Variants in BRWD1 observed in about 807,000 individuals in gnomAD.
BRWD1 encodes the protein bromodomain and WD repeat-containing protein 1.
Under a neutral mutation model 251.2 loss-of-function variants are expected in BRWD1, and 82 were observed. The ratio of observed to expected loss-of-function variants is 0.33; its 90% confidence interval spans 0.27 to 0.39. BRWD1 has a LOEUF of 0.39. Ranked by LOEUF, BRWD1 falls within the 10% of genes least tolerant of loss-of-function variation. The probability of loss-of-function intolerance (pLI) is 1.00; values close to 1 mark genes in which losing one functional copy is unlikely to be tolerated. For synonymous variants in BRWD1, 918 were observed against 902.8 expected (o/e 1.02, Z -0.30); for missense variants, 2,233 against 2,711.6 (o/e 0.82, Z 3.92).
chr21:39,276,338 A>C (rs1601440822), intron 11 of BRWD1, 125 bp from the exon 12 acceptor site: 2 of 662,492 alleles, frequency 3.0e-6, no homozygotes, highest in Non-Finnish European at 2.4e-6. Context: ...TGTGTTGCTT[A>C]GCCCTGTCAT....
rs1359739352 is a variant in BRWD1, at chr21:39,250,837, T to C, written c.2308A>G (p.Ile770Val). 2.5e-6 allele frequency: 4 copies of C among 1,600,590 alleles called. No individual in the cohort carries two copies. The highest frequency in any genetic ancestry group is 1.7e-5 in the Admixed American group (1 of 57,932). Residue 770 changes from isoleucine to valine, a missense_variant, in exon 20 of 41, where the codon ATA (isoleucine) becomes GTA (valine). Coordinates refer to ENST00000342449, the MANE Select transcript of BRWD1 (RefSeq NM_033656.4). ...EKGEEERNLY[I>V]IGRKRKTLQL... is the part of the protein sequence containing the mutation. ...AGAGTCTTTCTTTTTCTTCCTATTA[T>C]ATAAAGATTTCTTTCCTCTTCACCT...
rs939171414 is a variant in BRWD1, at chr21:39,189,205, G to A, written c.*7054C>T. On this transcript the variant is annotated 3_prime_UTR_variant, in exon 41 of 41. Transcript: ENST00000342449. ...TGAAATTTGCACTTTATAGTAGGAT[G>A]AGAATATACTATTATCAACTAGCTG... 1 of 985,140 alleles carries A rather than the reference G, an allele frequency of 1.0e-6. No homozygotes were observed. The highest frequency in any genetic ancestry group is 1.2e-6 in the Non-Finnish European group (1 of 829,694). The allele number at this position is 985,140 out of a possible 1,614,324, so 61.0% of individuals were successfully genotyped here.
chr21:39,235,526 G>T, intron 23 of BRWD1: 1 of 184,516 alleles, frequency 5.4e-6, no homozygotes. Flanking sequence ...AAAGAATCAT[G>T]GAGTGATTGC....
intron 18 of BRWD1, among the ~76,000 whole-genome samples, chr21:39,257,804 G>A (rs1469758053): frequency 6.6e-6 from 1 of 152,094 alleles, no homozygotes. Context: ...AGGAATGTGT[G>A]TGTGCACACA....
intron 4 of BRWD1, 100 bp downstream of exon 4, chr21:39,312,741 A>G: frequency 1.1e-6 from 1 of 895,524 alleles, no homozygotes; most frequent in Non-Finnish European, 1.7e-6. Context: ...AGTGCGGGTC[A>G]CACTTTGCAC....
chr21:39,301,162 G>C (rs1447992779), intron 4 of BRWD1, among the ~76,000 whole-genome samples: 5 of 147,878 alleles, frequency 3.4e-5, no homozygotes, highest in Non-Finnish European at 7.4e-5. Flanking sequence ...CTGGGTGACA[G>C]AGCAAGGCTC....
chr21:39,191,186 C>A lies in BRWD1; in HGVS notation c.*5073G>T. The stretch of plus-strand genomic sequence containing the variant: ...TATTACTGTACTACTGGAAAGAAAC[C>A]AGGCCACAGACAATCCAATGGCAAA... On this transcript the variant is annotated 3_prime_UTR_variant, in exon 41 of 41. Transcript: ENST00000342449. 5.1e-6 allele frequency: 5 copies of A among 985,238 alleles called. No individual in the cohort carries two copies. Among genetic ancestry groups the A allele is most frequent in the Non-Finnish European group, 6.0e-6 (5 of 829,882 alleles). The allele number at this position is 985,238 out of a possible 1,614,324, so 61.0% of individuals were successfully genotyped here.
At chr21:39,287,840 C>CT (rs2035690100) in intron 8 of BRWD1, among the ~76,000 whole-genome samples, 1 of 152,174 alleles carries the variant, frequency 6.6e-6, no homozygotes, top group Non-Finnish European at 1.5e-5. Flanking sequence ...CAGCTTCTTT[C>CT]TAATACATGA....
chr21:39,233,338 C>T (rs1359159966), intron 23 of BRWD1, among the ~76,000 whole-genome samples: 3 of 152,264 alleles, frequency 2.0e-5, no homozygotes, highest in Non-Finnish European at 2.9e-5. Context: ...AAATATGCAA[C>T]GTTTGCCATG....
intron 34 of BRWD1, among the ~76,000 whole-genome samples, chr21:39,211,778 G>A (rs1172976487): frequency 6.6e-6 from 1 of 151,998 alleles, no homozygotes; most frequent in African/African-American, 2.4e-5. Context: ...GAGTATTTTA[G>A]GTATAACTTT....
intron 4 of BRWD1, among the ~76,000 whole-genome samples, chr21:39,303,136 G>A (rs1275637092): frequency 7.2e-5 from 11 of 152,122 alleles, no homozygotes; most frequent in Non-Finnish European, 1.6e-4. Flanking sequence ...AGTGGTAAAG[G>A]AACTAATGTA....
intron 29 of BRWD1, among the ~76,000 whole-genome samples, chr21:39,223,459 T>G (rs527765751): frequency 4.6e-5 from 7 of 152,212 alleles, no homozygotes; most frequent in Non-Finnish European, 8.8e-5. Context: ...GTGAAAACAA[T>G]GGACACAAGA....
intron 19 of BRWD1, among the ~76,000 whole-genome samples, chr21:39,255,365 T>A (rs987110316): frequency 2.6e-5 from 4 of 151,426 alleles, no homozygotes; most frequent in Non-Finnish European, 5.9e-5. Context: ...TGAGCCGAGA[T>A]CATGCCACCG....
chr21:39,202,527 C>G lies in BRWD1; in HGVS notation c.4383G>C (p.Arg1461Ser). The change falls in exon 38 of 41, where the codon AGG becomes AGC. Residue 1461 changes from arginine to serine, a missense_variant. Physicochemically the swap from Arg to Ser is moderately radical, Grantham distance 110. Transcript: ENST00000342449. ...NKSIRNLKPK[R>S]LKSQTKIIPE... The stretch of plus-strand genomic sequence containing the variant: ...GAATTATTTTTGTCTGAGATTTTAA[C>G]CTCTTCGGCTTGAGGTTTCTGGCCA... 2 of 1,610,252 alleles carry G rather than the reference C, an allele frequency of 1.2e-6. No homozygotes were observed. Among genetic ancestry groups the G allele is most frequent in the Non-Finnish European group, 1.7e-6 (2 of 1,176,738 alleles).
At chr21:39,223,300 GTTT>G (rs1044152266) in intron 29 of BRWD1, among the ~76,000 whole-genome samples, 3 of 151,946 alleles carry the variant, frequency 2.0e-5, no homozygotes, top group Non-Finnish European at 4.4e-5. Context: ...TTGAAATCAA[GTTT>G]TTTAAAGTGC....
intron 4 of BRWD1, among the ~76,000 whole-genome samples, chr21:39,307,878 T>C (rs930258421): frequency 4.6e-5 from 7 of 152,212 alleles, no homozygotes; most frequent in African/African-American, 1.2e-4. Flanking sequence ...TGTATTGTCC[T>C]TGACTATAGA....
chr21:39,313,639 AC>A, upstream of BRWD1: 1 of 512,790 alleles, frequency 2.0e-6, no homozygotes, highest in Non-Finnish European at 3.0e-6. Flanking sequence ...GCCTGGACCG[AC>A]GCCTCCGCGG....
At chr21:39,247,076 C>CAAA (rs542391369) in intron 21 of BRWD1, among the ~76,000 whole-genome samples, 2 of 101,896 alleles carry the variant, frequency 2.0e-5, no homozygotes, top group Non-Finnish European at 2.0e-5. Flanking sequence ...GACTCCGTCT[C>CAAA]AAAAAAAAAA....
At chr21:39,198,668 CAAGG>C in intron 40 of BRWD1, 91 bp downstream of exon 40, 2 of 1,120,274 alleles carry the variant, frequency 1.8e-6, no homozygotes, top group Non-Finnish European at 1.2e-6. Context: ...AAAAAAGTTT[CAAGG>C]GAAACTTTTT....
Sources: allele counts gnomAD v4.1 joint callset (sites outside exome capture counted in the v4.1 genomes callset), GRCh38; gene constraint gnomAD v4.1.1; transcripts MANE v1.5; gene names NCBI Gene and HGNC (gene_info 2026-07-23, HGNC 2026-07-21).